The following GREB1 variants were observed in gnomAD, a reference collection of about 807,000 sequenced individuals.
GREB1 encodes protein GREB1.
A neutral mutation model predicts 200.7 loss-of-function variants in GREB1; 106 were observed. That is an observed-to-expected ratio of 0.53 (90% confidence interval 0.45 to 0.62). The LOEUF is 0.62. GREB1 is among the 20% of genes least tolerant of loss of function. The probability of loss-of-function intolerance (pLI) is 0.00; values close to 1 mark genes in which losing one functional copy is unlikely to be tolerated. For synonymous variants in GREB1, 1,132 were observed against 1,092.4 expected (o/e 1.04, Z -0.72); for missense variants, 2,243 against 2,556.8 (o/e 0.88, Z 2.65).
chr2:11,571,945 T>A (rs1678346693), intron 4 of GREB1, among the ~76,000 whole-genome samples: 1 of 152,172 alleles, frequency 6.6e-6, no homozygotes, highest in Non-Finnish European at 1.5e-5. Flanking sequence ...TCTCCTGACC[T>A]CCTGCTCCGC....
At chr2:11,604,791 T>A (rs1018618337) in intron 17 of GREB1, among the ~76,000 whole-genome samples, 2 of 152,194 alleles carry the variant, frequency 1.3e-5, no homozygotes, top group Admixed American at 6.5e-5. Flanking sequence ...CTCTTGAAAC[T>A]GGTAATTTGA....
At chr2:11,491,670 T>C (rs1456497937) in intron 1 of GREB1, among the ~76,000 whole-genome samples, 1 of 152,216 alleles carries the variant, frequency 6.6e-6, no homozygotes, top group Non-Finnish European at 1.5e-5. Context: ...CTGAATATTT[T>C]GTTCATGAAA....
At position 11,605,144 on chromosome 2, in the gene GREB1, CTTTTTTT is replaced by C. The variant is rs3035991; in HGVS notation, c.2666+2628_2666+2634del. Among the ~76,000 whole-genome samples, 50 of 44,824 alleles carry C rather than the reference CTTTTTTT, an allele frequency of 1.1e-3. No individual in the cohort carries two copies. The East Asian group carries it at 0.013, about 12-fold the overall frequency. 29.4% of individuals were successfully genotyped at this position (44,824 alleles called of 152,430 possible). On this transcript the variant is annotated intron_variant, in intron 17 of 32. Coordinates refer to ENST00000381486, the MANE Select transcript of GREB1 (RefSeq NM_014668.4). Reference sequence around the variant, plus strand: ...TGGAGCTGGGCACCAGAGCCTGCTTCTTTTTTTTTTTTTTTTTTTTTTTTTTTTTTTT... The same window carrying C: ...TGGAGCTGGGCACCAGAGCCTGCTTCTTTTTTTTTTTTTTTTTTTTTTTTT...
intron 1 of GREB1, among the ~76,000 whole-genome samples, chr2:11,525,430 G>T (rs917894707): frequency 8.0e-5 from 12 of 150,264 alleles, no homozygotes; most frequent in African/African-American, 2.9e-4. Context: ...CTAGGAAGTG[G>T]AGGTTGCCAT....
intron 1 of GREB1, among the ~76,000 whole-genome samples, chr2:11,494,281 T>A (rs1672832458): frequency 6.6e-6 from 1 of 152,170 alleles, no homozygotes; most frequent in Admixed American, 6.5e-5. Context: ...CAGAGACTCA[T>A]GAAATTTTGG....
intron 1 of GREB1, among the ~76,000 whole-genome samples, chr2:11,547,044 A>G (rs1675348226): frequency 6.7e-6 from 1 of 150,260 alleles, no homozygotes; most frequent in South Asian, 2.1e-4. Flanking sequence ...TCCTGGGCTC[A>G]AGTGATTCTC....
chr2:11,563,323 A>G (rs1261905406), intron 3 of GREB1, among the ~76,000 whole-genome samples: 1 of 152,178 alleles, frequency 6.6e-6, no homozygotes, highest in Non-Finnish European at 1.5e-5. Flanking sequence ...AGGCAGATAC[A>G]CATAATCTCA....
At chr2:11,532,277 A>G (rs537202052), upstream of GREB1, among the ~76,000 whole-genome samples, 4 of 152,298 alleles carry the variant, frequency 2.6e-5, no homozygotes, top group South Asian at 4.1e-4. Flanking sequence ...AACAGATGGG[A>G]AAGACAACTT....
chr2:11,483,561 G>C (rs148306342), intron 1 of GREB1, among the ~76,000 whole-genome samples: 324 of 152,150 alleles, frequency 2.1e-3, no homozygotes, highest in Middle Eastern at 0.02. Context: ...TTCCTGAGTG[G>C]CTCTGGGACG....
intron 13 of GREB1, 135 bp downstream of exon 13, chr2:11,596,374 A>T: frequency 5.5e-5 from 19 of 345,726 alleles, no homozygotes; most frequent in East Asian, 2.3e-4. Context: ...AGGGGCACAG[A>T]TGTGTATAGT....
chr2:11,560,053 G>A (rs529616359), intron 2 of GREB1, among the ~76,000 whole-genome samples: 6 of 152,258 alleles, frequency 3.9e-5, no homozygotes, highest in East Asian at 3.9e-4. Context: ...ATGCTCTACC[G>A]TTTAATCACA....
chr2:11,617,191 G>A (rs1241441265), intron 21 of GREB1, among the ~76,000 whole-genome samples: 7 of 152,228 alleles, frequency 4.6e-5, no homozygotes, highest in Non-Finnish European at 7.3e-5. Flanking sequence ...CAGCCACAGC[G>A]GGTGGGCAGT....
chr2:11,594,097 G>A (rs989405771), intron 11 of GREB1, among the ~76,000 whole-genome samples: 2 of 151,952 alleles, frequency 1.3e-5, no homozygotes, highest in African/African-American at 2.4e-5. Context: ...TCGAGCTCCC[G>A]GGCTCAAGTG....
At chr2:11,522,413 C>T (rs1490955740) in intron 1 of GREB1, among the ~76,000 whole-genome samples, 1 of 152,066 alleles carries the variant, frequency 6.6e-6, no homozygotes, top group Non-Finnish European at 1.5e-5. Flanking sequence ...CTTTTTAAGC[C>T]TCTGTATTTG....
intron 1 of GREB1, among the ~76,000 whole-genome samples, chr2:11,515,690 G>C (rs184841400): frequency 3.3e-5 from 5 of 152,356 alleles, no homozygotes; most frequent in African/African-American, 9.6e-5. Context: ...GCCTAAAAGG[G>C]CAGAGCAGAT....
chr2:11,562,703 C>A, intron 3 of GREB1, 121 bp downstream of exon 3: 2 of 1,233,916 alleles, frequency 1.6e-6, no homozygotes, highest in East Asian at 2.7e-5. Context: ...TTCCTCTTTG[C>A]TTTCCCTGAG....
chr2:11,565,673 C>T (rs572628241), intron 3 of GREB1, among the ~76,000 whole-genome samples: 5 of 152,172 alleles, frequency 3.3e-5, no homozygotes, highest in African/African-American at 7.2e-5. Flanking sequence ...AGCTCCAACA[C>T]GCAAAAGGTT....
intron 1 of GREB1, among the ~76,000 whole-genome samples, chr2:11,539,036 CT>C (rs1674529195): frequency 1.8e-5 from 1 of 56,692 alleles, no homozygotes; most frequent in African/African-American, 3.6e-5. Flanking sequence ...CTCTTCTCTT[CT>C]CTTCTCTTCT....
chr2:11,585,738 A>G, intron 8 of GREB1, 24 bp from the exon 9 acceptor site: 2 of 1,611,934 alleles, frequency 1.2e-6, no homozygotes, highest in Non-Finnish European at 1.7e-6. Flanking sequence ...TGATGTTTTC[A>G]CTAATATTCT....
Sources: allele counts gnomAD v4.1 joint callset (sites outside exome capture counted in the v4.1 genomes callset), GRCh38; gene constraint gnomAD v4.1.1; transcripts MANE v1.5; gene names NCBI Gene and HGNC (gene_info 2026-07-23, HGNC 2026-07-21).